EPG5: variants seen among roughly 807,000 people sequenced by gnomAD.
The protein encoded by EPG5 is ectopic P-granules 5 autophagy tethering factor.
In EPG5, 159 loss-of-function variants were observed where a neutral mutation model predicts 302.7. That is an observed-to-expected ratio of 0.53 (90% CI 0.46 to 0.60). EPG5 has a LOEUF of 0.60. EPG5 is among the 20% of genes least tolerant of loss of function. EPG5 has a pLI of 0.00. For synonymous variants in EPG5, 1,158 were observed against 1,136.8 expected, an observed-to-expected ratio of 1.02 and a Z score of -0.37; for missense variants, 2,896 against 3,092.4, an observed-to-expected ratio of 0.94 and a Z score of 1.51.
chr18:45,839,992 G>C, the EPG5 span, among the ~76,000 whole-genome samples: 1 of 152,150 alleles, frequency 6.6e-6, no homozygotes, highest in East Asian at 1.9e-4. Flanking sequence ...GTGCTCAGAA[G>C]AACGGACTTT....
chr18:45,888,016 G>A, intron 28 of EPG5, 109 bp from the exon 29 acceptor site: 1 of 801,876 alleles, frequency 1.2e-6, no homozygotes, highest in South Asian at 3.5e-5. Context: ...AGAATCCTCA[G>A]AGCACCCATG....
At chr18:45,938,178 A>C (rs945405752) in intron 10 of EPG5, among the ~76,000 whole-genome samples, 5 of 152,098 alleles carry the variant, frequency 3.3e-5, no homozygotes, top group African/African-American at 1.2e-4. Context: ...TCTAAAGATA[A>C]GGCCGGGTGA....
chr18:45,959,509 G>A (rs1192060461), intron 1 of EPG5, among the ~76,000 whole-genome samples: 1 of 151,658 alleles, frequency 6.6e-6, no homozygotes, highest in Non-Finnish European at 1.5e-5. Context: ...AGCCAGGCGT[G>A]GTGGCAGGCA....
intron 17 of EPG5, chr18:45,916,892 C>G (rs955009182): frequency 5.4e-6 from 1 of 186,326 alleles, no homozygotes; most frequent in African/African-American, 2.3e-5. Flanking sequence ...TGAATAAAGG[C>G]AGAGATGTTT....
At chr18:45,818,981 G>A in the EPG5 span, among the ~76,000 whole-genome samples, 4 of 152,040 alleles carry the variant, frequency 2.6e-5, no homozygotes, top group Non-Finnish European at 2.9e-5. Context: ...TGATCCACCC[G>A]CCTTGGCATC....
intron 24 of EPG5, among the ~76,000 whole-genome samples, chr18:45,904,978 G>A (rs904283327): frequency 1.3e-5 from 2 of 152,044 alleles, no homozygotes; most frequent in Non-Finnish European, 2.9e-5. Context: ...GTGGGGAGGG[G>A]GAGAAGAGCA....
At chr18:45,874,625 A>C (rs1599465378) in intron 35 of EPG5, among the ~76,000 whole-genome samples, 2 of 152,312 alleles carry the variant, frequency 1.3e-5, no homozygotes, top group East Asian at 3.9e-4. Context: ...CATGAGACTC[A>C]TTCACCACCA....
intron 16 of EPG5, 26 bp from the exon 17 acceptor site, chr18:45,917,845 A>G (rs1473881953): frequency 4.3e-6 from 7 of 1,613,156 alleles, no homozygotes; most frequent in Non-Finnish European, 5.9e-6. Context: ...AAGGCACTGA[A>G]TACACAAGGG....
At chr18:45,915,194 C>T (rs2050000676) in intron 20 of EPG5, among the ~76,000 whole-genome samples, 2 of 151,858 alleles carry the variant, frequency 1.3e-5, no homozygotes, top group South Asian at 4.2e-4. Context: ...AGGGGAATAG[C>T]TTGAACCCGG....
chr18:45,946,866 C>T, intron 6 of EPG5, 98 bp from the exon 7 acceptor site: 1 of 890,198 alleles, frequency 1.1e-6, no homozygotes, highest in South Asian at 1.5e-5. Context: ...ACACATCATC[C>T]CAATCTTCCA....
At chr18:45,893,508 G>A (rs1382447248) in intron 27 of EPG5, among the ~76,000 whole-genome samples, 2 of 150,270 alleles carry the variant, frequency 1.3e-5, no homozygotes, top group Non-Finnish European at 3.0e-5. Context: ...AGCCAAGATC[G>A]CACCACTGCA....
chr18:45,858,214 G>T, intron 41 of EPG5, 146 bp from the exon 42 acceptor site: 1 of 651,048 alleles, frequency 1.5e-6, no homozygotes, highest in Non-Finnish European at 2.6e-6. Context: ...TAGAGCCATG[G>T]GATTGTAACC....
chr18:45,850,785 T>A lies in EPG5; in HGVS notation c.*1682A>T, dbSNP rs1311239953. On this transcript the variant is annotated 3_prime_UTR_variant, in exon 44 of 44. Coordinates refer to ENST00000282041, the MANE Select transcript of EPG5 (RefSeq NM_020964.3). Reference sequence around the variant, plus strand: ...TCCTAGGATATCAGTAATTATATCCTCCTCAAAGAAAACACAAAATATTTC... The same window carrying A: ...TCCTAGGATATCAGTAATTATATCCACCTCAAAGAAAACACAAAATATTTC... 6.6e-6 allele frequency: 1 copy of A among 152,630 alleles called. No individual in the cohort carries two copies. Among genetic ancestry groups the A allele is most frequent in the Non-Finnish European group, 1.5e-5 (1 of 68,034 alleles). The allele number at this position is 152,630 out of a possible 1,614,324, so 9.5% of individuals were successfully genotyped here.
At chr18:45,889,258 GA>G (rs2145486886) in intron 28 of EPG5, among the ~76,000 whole-genome samples, 1 of 152,332 alleles carries the variant, frequency 6.6e-6, no homozygotes, top group East Asian at 1.9e-4. Flanking sequence ...AGAGGACAGT[GA>G]GAGAAAGCCA....
chr18:45,837,832 C>A, the EPG5 span: 1 of 1,535,744 alleles, frequency 6.5e-7, no homozygotes, highest in Non-Finnish European at 8.7e-7. Flanking sequence ...TCTGCCGCGT[C>A]GAGTTCGCCG....
Position 45,954,914 on chromosome 18 carries a change from G to A in EPG5, c.488C>T (p.Thr163Ile), listed in dbSNP as rs1167290983. The A allele has an allele frequency of 3.7e-6, 6 of 1,613,524 alleles. No homozygotes were observed. Among genetic ancestry groups the A allele is most frequent in the Non-Finnish European group, 8.5e-7 (1 of 1,179,800 alleles). Residue 163 changes from threonine to isoleucine, a missense_variant, in exon 2 of 44, where the codon ACT (threonine) becomes ATT (isoleucine). By Grantham distance (89) the Thr-to-Ile change is moderately conservative (BLOSUM62 -1). This residue lies in a region of EPG5 where 1,390 missense variants were observed against 1,430.0 expected (regional missense o/e 0.97). Coordinates refer to ENST00000282041, the MANE Select transcript of EPG5 (RefSeq NM_020964.3). Reference sequence around the variant, plus strand: ...TTGTATATTTTCCATTGCTGGCTGAGTATAAGAAAAATTAGATTGGGGTGC... The same window carrying A: ...TTGTATATTTTCCATTGCTGGCTGAATATAAGAAAAATTAGATTGGGGTGC... ...ESAPQSNFSY[T>I]QPAMENIQVR...
Position 45,940,207 on chromosome 18 carries a change from G to A in EPG5, c.1944-452C>T, listed in dbSNP as rs754393398. 5.3e-5 allele frequency among the ~76,000 whole-genome samples: 8 copies of A among 152,194 alleles called. No individual in the cohort carries two copies. In the East Asian group the frequency reaches 5.8e-4, roughly 11 times the overall value. On this transcript the variant is annotated intron_variant, in intron 9 of 43. Coordinates refer to ENST00000282041, the MANE Select transcript of EPG5 (RefSeq NM_020964.3). ...AAGAAACAGCCAATGCAAAAGCGCC[G>A]AGGGGTGTCAGGTATGTTTAGGAAC... is the stretch of plus-strand genomic sequence containing the variant.
At chr18:45,877,746 C>A (rs930116504) in intron 34 of EPG5, among the ~76,000 whole-genome samples, 10 of 152,164 alleles carry the variant, frequency 6.6e-5, no homozygotes, top group Non-Finnish European at 1.2e-4. Flanking sequence ...GTTTGACATT[C>A]ATGTTCTCTG....
At chr18:45,952,900 G>A (rs1185061893) in intron 2 of EPG5, among the ~76,000 whole-genome samples, 1 of 152,092 alleles carries the variant, frequency 6.6e-6, no homozygotes, top group East Asian at 1.9e-4. Context: ...TGGGCCAGGC[G>A]CGGTGGCTGA....
Sources: gnomAD v4.1 joint callset for allele counts (sites outside exome capture counted in the v4.1 genomes callset) on GRCh38, gnomAD v4.1.1 for gene constraint, gnomAD v4.1.1 regional missense constraint, MANE v1.5 for transcripts, NCBI Gene and HGNC (gene_info 2026-07-23, HGNC 2026-07-21) for gene names.